TBCD: variants seen among roughly 807,000 people sequenced by gnomAD.
The protein encoded by TBCD is tubulin folding cofactor D, also known as tubulin-specific chaperone D.
A neutral mutation model predicts 169.3 loss-of-function variants in TBCD; 105 were observed. That is an observed-to-expected ratio of 0.62 (90% CI 0.53 to 0.73). The LOEUF (loss-of-function observed/expected upper bound fraction) is 0.73, where lower values mean the gene tolerates loss of function less well. Among genes scored for constraint, TBCD ranks in the 30% least tolerant of loss-of-function variants. The pLI is 0.00. For missense variants in TBCD, 1,444 were observed against 1,600.1 expected (o/e 0.90, Z 1.66); for synonymous variants, 700 against 643.9 (o/e 1.09, Z -1.32).
intron 23 of TBCD, among the ~76,000 whole-genome samples, chr17:82,916,260 A>G (rs928351633): frequency 8.0e-5 from 12 of 150,902 alleles, no homozygotes; most frequent in African/African-American, 2.7e-4. Flanking sequence ...TTTTTTTGAG[A>G]CGGAGTCTCA....
chr17:82,846,025 C>T (rs912647551), intron 13 of TBCD, among the ~76,000 whole-genome samples: 6 of 152,240 alleles, frequency 3.9e-5, no homozygotes, highest in African/African-American at 1.2e-4. Context: ...ACATTCTATC[C>T]CCCGAGGGCA....
intron 25 of TBCD, 49 bp downstream of exon 25, chr17:82,921,626 T>A: frequency 6.4e-7 from 1 of 1,565,098 alleles, no homozygotes; most frequent in Admixed American, 1.7e-5. Flanking sequence ...GGTGTTAGTG[T>A]GTTAGTCACG....
intron 2 of TBCD, 37 bp downstream of exon 2, chr17:82,756,252 A>G (rs1247019390): frequency 1.3e-6 from 2 of 1,582,966 alleles, no homozygotes; most frequent in South Asian, 1.1e-5. Context: ...TCATTCAGTT[A>G]CAGATGACCA....
chr17:82,941,220 A>G (rs1015954229), intron 37 of TBCD, among the ~76,000 whole-genome samples, 179 bp from the exon 38 acceptor site: 1 of 152,166 alleles, frequency 6.6e-6, no homozygotes, highest in African/African-American at 2.4e-5. Flanking sequence ...CTCAGGCTCG[A>G]GGCTCTGCTG....
intron 8 of TBCD, among the ~76,000 whole-genome samples, chr17:82,799,441 C>CAAAAAAAAAAAAA (rs61017445): frequency 1.2e-4 from 9 of 72,616 alleles, no homozygotes; most frequent in East Asian, 9.5e-4. Flanking sequence ...GACTCTGTCT[C>CAAAAAAAAAAAAA]AAAAAAAAAA....
intron 7 of TBCD, among the ~76,000 whole-genome samples, chr17:82,791,921 G>T (rs1283849783): frequency 6.6e-6 from 1 of 152,320 alleles, no homozygotes; most frequent in African/African-American, 2.4e-5. Context: ...CTGCTCCCAG[G>T]CTGCAAACCT....
chr17:82,901,964 G>T (rs1934023234), intron 18 of TBCD, among the ~76,000 whole-genome samples: 1 of 152,182 alleles, frequency 6.6e-6, no homozygotes, highest in African/African-American at 2.4e-5. Flanking sequence ...ACAGATATAT[G>T]CCCGTAGCGT....
chr17:82,788,256 G>A (rs1389438164), intron 7 of TBCD, among the ~76,000 whole-genome samples: 1 of 152,092 alleles, frequency 6.6e-6, no homozygotes, highest in Non-Finnish European at 1.5e-5. Flanking sequence ...TTTACAAAAA[G>A]GAAAATGGCT....
chr17:82,766,447 C>A, intron 4 of TBCD, 79 bp downstream of exon 4: 1 of 861,882 alleles, frequency 1.2e-6, no homozygotes, highest in Non-Finnish European at 1.9e-6. Context: ...CCTGCTGCAC[C>A]TTCCCCTTCC....
At position 82,833,224 on chromosome 17, in the gene TBCD, G is replaced by A. The variant is rs1487801341; in HGVS notation, c.1318+18290G>A. Among the ~76,000 whole-genome samples the A allele has an allele frequency of 6.6e-6, 1 of 152,054 alleles. No homozygotes were observed. Among genetic ancestry groups the A allele is most frequent in the Admixed American group, 6.5e-5 (1 of 15,278 alleles). ...AGCGTGGGCTGGCCACCGTCTACTT[G>A]CTCCTACCTGCTGGCTGGGAGCTCT... is the stretch of plus-strand genomic sequence containing the variant. On this transcript the variant is annotated intron_variant, in intron 13 of 38. Transcript: ENST00000355528. This position sits in a 1 kb window ranked among gnomAD's most constrained non-coding sequence, Gnocchi z 4.7.
chr17:82,755,566 T>C (rs577526587), intron 1 of TBCD, among the ~76,000 whole-genome samples: 78 of 152,322 alleles, frequency 5.1e-4, no homozygotes, highest in African/African-American at 1.9e-3. Flanking sequence ...ATGCTAATAC[T>C]GATCAGCTGT....
chr17:82,789,143 C>T lies in TBCD; in HGVS notation c.771+7422C>T, dbSNP rs1310640842. On this transcript the variant is annotated intron_variant, in intron 7 of 38. Coordinates refer to ENST00000355528, the MANE Select transcript of TBCD (RefSeq NM_005993.5). This position sits in a 1 kb window ranked among gnomAD's most constrained non-coding sequence, Gnocchi z 4.8. ...TGGGTACTTTCCAGAGATCATGCTC[C>T]TGTAGCATTTGGGTGAAACGAGGTA... Among the ~76,000 whole-genome samples, 13 of 152,170 alleles carry T rather than the reference C, an allele frequency of 8.5e-5. No individual in the cohort carries two copies. Among genetic ancestry groups the T allele is most frequent in the Admixed American group, 8.5e-4 (13 of 15,280 alleles).
Position 82,927,910 on chromosome 17 carries a change from G to A in TBCD, c.2615G>A (p.Arg872His), listed in dbSNP as rs778711320. 10 of 1,613,216 alleles carry A rather than the reference G, an allele frequency of 6.2e-6. No homozygotes were observed. The highest frequency in any genetic ancestry group is 1.1e-5 in the South Asian group (1 of 91,078). Residue 872 changes from arginine (R) to histidine (H), a missense_variant, in exon 30 of 39, where the codon CGC (arginine) becomes CAC (histidine). Arg to His is a conservative substitution (Grantham distance 29, BLOSUM62 0). Transcript: ENST00000355528. ...GCCTCTCCTTGTCCCATCAGGGTCC[G>A]CAAGGCCGCCATGACCAGTCTGATG... is the stretch of plus-strand genomic sequence containing the variant. ...DSRGDVGTWV[R>H]KAAMTSLMDL... is the part of the protein sequence containing the mutation.
intron 13 of TBCD, among the ~76,000 whole-genome samples, chr17:82,825,350 C>T (rs2052749714): frequency 6.6e-6 from 1 of 152,074 alleles, no homozygotes; most frequent in Non-Finnish European, 1.5e-5. Context: ...TGAGTGTGGA[C>T]CGTGGCATGT....
intron 15 of TBCD, among the ~76,000 whole-genome samples, chr17:82,887,837 T>C (rs937677029): frequency 2.0e-5 from 3 of 152,242 alleles, no homozygotes; most frequent in Admixed American, 2.0e-4. Flanking sequence ...GTTTCTGTCA[T>C]GCCTGATGGT....
intron 8 of TBCD, among the ~76,000 whole-genome samples, chr17:82,799,525 A>G (rs1404394149): frequency 6.6e-6 from 1 of 151,886 alleles, no homozygotes; most frequent in African/African-American, 2.4e-5. Flanking sequence ...CATTATGGAA[A>G]ATTTGAAACA....
At chr17:82,868,216 C>T (rs762300578) in intron 13 of TBCD, among the ~76,000 whole-genome samples, 5 of 152,106 alleles carry the variant, frequency 3.3e-5, no homozygotes, top group East Asian at 1.9e-4. Flanking sequence ...CTGGCCATGG[C>T]GGGGGCACCA....
In TBCD at chr17:82,831,200, C is replaced by T. The variant is rs765397272; in HGVS notation, c.1318+16266C>T. On this transcript the variant is annotated intron_variant, in intron 13 of 38. Coordinates refer to ENST00000355528, the MANE Select transcript of TBCD (RefSeq NM_005993.5). This position sits in a 1 kb window ranked among gnomAD's most constrained non-coding sequence, Gnocchi z 4.6. The stretch of plus-strand genomic sequence containing the variant: ...CAGGTCTGGCTCGTCTGCATGAAGT[C>T]GGTGGGGCTCGGCCTCCCTGGGGAG... 1.4e-5 allele frequency: 23 copies of T among 1,613,956 alleles called. No homozygotes were observed. The highest frequency in any genetic ancestry group is 8.0e-5 in the African/African-American group (6 of 74,940).
At chr17:82,932,949 A>AGTGC (rs1205421966) in intron 34 of TBCD, 4 of 572,818 alleles carry the variant, frequency 7.0e-6, no homozygotes, top group Admixed American at 3.0e-5. Context: ...TATGACTGTA[A>AGTGC]GTGCAGTCAG....
Sources: allele counts gnomAD v4.1 joint callset (sites outside exome capture counted in the v4.1 genomes callset), GRCh38; gene constraint gnomAD v4.1.1; non-coding constraint Gnocchi (gnomAD v3.1); transcripts MANE v1.5; gene names NCBI Gene and HGNC (gene_info 2026-07-23, HGNC 2026-07-21).